Variants in SRD5A2 observed in about 807,000 individuals in gnomAD.
SRD5A2 encodes the protein 3-oxo-5-alpha-steroid 4-dehydrogenase 2.
In SRD5A2, 30 loss-of-function variants were observed where a neutral mutation model predicts 27.4. That is an observed-to-expected ratio of 1.10 (90% CI 0.82 to 1.49). The LOEUF (loss-of-function observed/expected upper bound fraction) is 1.49, where lower values mean the gene tolerates loss of function less well. Among genes scored for constraint, SRD5A2 ranks in the 40% most tolerant of loss-of-function variants. The pLI is 0.00. For missense variants in SRD5A2, 348 were observed against 323.4 expected (o/e 1.08, Z -0.58); for synonymous variants, 141 against 133.6 (o/e 1.06, Z -0.38).
At chr2:31,660,857 G>C in the SRD5A2 span, among the ~76,000 whole-genome samples, 2 of 151,576 alleles carry the variant, frequency 1.3e-5, no homozygotes, top group South Asian at 4.2e-4. Flanking sequence ...AAAAAAAAAA[G>C]ATAGGCCCTT....
the SRD5A2 span, among the ~76,000 whole-genome samples, chr2:31,638,124 C>A: frequency 6.6e-6 from 1 of 151,926 alleles, no homozygotes; most frequent in Non-Finnish European, 1.5e-5. Flanking sequence ...TGATATGTTG[C>A]ATTTTCATTT....
chr2:31,613,555 C>G, the SRD5A2 span, among the ~76,000 whole-genome samples: 34 of 152,198 alleles, frequency 2.2e-4, 1 homozygote, highest in East Asian at 6.6e-3. Context: ...AACCCTTGTG[C>G]ACTGTTGGTG....
chr2:31,617,026 G>A, the SRD5A2 span, among the ~76,000 whole-genome samples: 1 of 152,148 alleles, frequency 6.6e-6, no homozygotes, highest in Non-Finnish European at 1.5e-5. Flanking sequence ...TTTTATAAGG[G>A]GAAGCTCCTT....
intron 1 of SRD5A2, among the ~76,000 whole-genome samples, chr2:31,549,607 A>C (rs1666343292): frequency 6.6e-6 from 1 of 152,218 alleles, no homozygotes; most frequent in Non-Finnish European, 1.5e-5. Context: ...TTTCAGATAA[A>C]GTAGACTCTG....
chr2:31,591,787 A>G, the SRD5A2 span, among the ~76,000 whole-genome samples: 48,293 of 48,298 alleles, frequency 1, 24,144 homozygotes, highest in Middle Eastern at 1. Flanking sequence ...GTCCTTTGTN[A>G]GGNCATGGAT....
chr2:31,650,795 G>GACA, the SRD5A2 span, among the ~76,000 whole-genome samples: 1 of 152,208 alleles, frequency 6.6e-6, no homozygotes, highest in Non-Finnish European at 1.5e-5. Flanking sequence ...ACTGAGAAGA[G>GACA]ACAGGATTGG....
the SRD5A2 span, among the ~76,000 whole-genome samples, chr2:31,589,522 C>A: frequency 6.6e-6 from 1 of 152,322 alleles, no homozygotes; most frequent in South Asian, 2.1e-4. Context: ...GAGAGAACAC[C>A]TCCATTGGGG....
intron 1 of SRD5A2, among the ~76,000 whole-genome samples, chr2:31,545,444 A>T (rs1425935098): frequency 6.6e-6 from 1 of 152,150 alleles, no homozygotes; most frequent in Non-Finnish European, 1.5e-5. Context: ...AATCAGTGTA[A>T]TCCATAGCGT....
intron 1 of SRD5A2, among the ~76,000 whole-genome samples, chr2:31,579,204 G>C (rs1003269447): frequency 5.3e-5 from 8 of 152,154 alleles, no homozygotes; most frequent in African/African-American, 9.7e-5. Context: ...CTTTTAAAAA[G>C]AGTGAGAATT....
At chr2:31,528,163 C>T (rs1273418360) in intron 4 of SRD5A2, among the ~76,000 whole-genome samples, 21 of 152,222 alleles carry the variant, frequency 1.4e-4, no homozygotes. Flanking sequence ...GAAACACCTG[C>T]AATCCCTGGC....
upstream of SRD5A2, among the ~76,000 whole-genome samples, chr2:31,581,355 TC>T (rs1486636949): frequency 2.0e-5 from 3 of 152,192 alleles, no homozygotes; most frequent in African/African-American, 2.4e-5. Context: ...CCAAGGTCTT[TC>T]CATCTCCTCC....
At chr2:31,566,250 G>C (rs1005177917) in intron 1 of SRD5A2, among the ~76,000 whole-genome samples, 2 of 151,976 alleles carry the variant, frequency 1.3e-5, no homozygotes, top group Admixed American at 1.3e-4. Flanking sequence ...CATATTAGAA[G>C]AAAGAGAAAG....
the SRD5A2 span, among the ~76,000 whole-genome samples, chr2:31,615,852 A>T: frequency 2.6e-5 from 4 of 152,144 alleles, no homozygotes; most frequent in East Asian, 7.7e-4. Context: ...ACCCAGGGCC[A>T]CCCTGCTGTG....
intron 1 of SRD5A2, among the ~76,000 whole-genome samples, chr2:31,559,529 C>CA (rs1487911094): frequency 6.6e-6 from 1 of 151,716 alleles, no homozygotes; most frequent in Admixed American, 6.6e-5. Flanking sequence ...TTGCATAAAA[C>CA]AAAAAATGTT....
At chr2:31,657,192 T>G in the SRD5A2 span, among the ~76,000 whole-genome samples, 3 of 152,164 alleles carry the variant, frequency 2.0e-5, no homozygotes, top group African/African-American at 7.2e-5. Context: ...TATTGGTTCT[T>G]TTTTTTGTGT....
At chr2:31,543,900 G>T (rs1666190241) in intron 1 of SRD5A2, among the ~76,000 whole-genome samples, 1 of 151,992 alleles carries the variant, frequency 6.6e-6, no homozygotes, top group African/African-American at 2.4e-5. Flanking sequence ...TAGATGAGCA[G>T]AATGGATTTT....
the SRD5A2 span, among the ~76,000 whole-genome samples, chr2:31,619,280 C>T: frequency 6.6e-6 from 1 of 152,144 alleles, no homozygotes; most frequent in East Asian, 1.9e-4. Context: ...TTAGAGTTAC[C>T]ACATGACCGA....
the SRD5A2 span, among the ~76,000 whole-genome samples, chr2:31,628,433 C>A: frequency 6.6e-6 from 1 of 152,062 alleles, no homozygotes; most frequent in Non-Finnish European, 1.5e-5. Context: ...AACTTGCCAA[C>A]TCTGTGTCTA....
intron 4 of SRD5A2, 148 bp downstream of exon 4, chr2:31,529,159 G>A (rs1665846630): frequency 1.7e-6 from 2 of 1,180,730 alleles, no homozygotes; most frequent in Admixed American, 5.7e-5. Context: ...AGCCCAGCAA[G>A]TCAGAATATG....
Sources: allele counts gnomAD v4.1 joint callset (sites outside exome capture counted in the v4.1 genomes callset), GRCh38; gene constraint gnomAD v4.1.1; transcripts MANE v1.5; gene names NCBI Gene and HGNC (gene_info 2026-07-23, HGNC 2026-07-21).